The following TARDBP variants were observed in gnomAD, a reference collection of about 807,000 sequenced individuals.
The protein encoded by TARDBP is TAR DNA binding protein.
A neutral mutation model predicts 38.3 loss-of-function variants in TARDBP; 4 were observed. The ratio of observed to expected loss-of-function variants is 0.10; its 90% CI spans 0.05 to 0.24. TARDBP has a LOEUF of 0.24. TARDBP is among the 10% of genes least tolerant of loss of function. The probability of loss-of-function intolerance (pLI) is 1.00; values close to 1 mark genes in which losing one functional copy is unlikely to be tolerated. For synonymous variants in TARDBP, 184 were observed against 183.8 expected, an observed-to-expected ratio of 1.00 and a Z score of -0.01; for missense variants, 202 against 521.9, an observed-to-expected ratio of 0.39 and a Z score of 5.97.
At chr1:11,016,386 T>C in intron 2 of TARDBP, 1 of 186,116 alleles carries the variant, frequency 5.4e-6, no homozygotes, top group South Asian at 1.0e-4. Context: ...CAAGTCGTCC[T>C]TCCTCCTCAG....
chr1:11,021,686 C>T (rs1022001679), intron 5 of TARDBP, among the ~76,000 whole-genome samples: 1 of 152,192 alleles, frequency 6.6e-6, no homozygotes, highest in African/African-American at 2.4e-5. Context: ...AACTCCTGGG[C>T]TCAGCCTCCA....
At chr1:11,029,976 T>C (rs1643814644), downstream of TARDBP, 1 of 481,474 alleles carries the variant, frequency 2.1e-6, no homozygotes, top group Non-Finnish European at 3.7e-6. Context: ...GAGAATCAAA[T>C]GACTGATGCA....
intron 3 of TARDBP, among the ~76,000 whole-genome samples, chr1:11,017,273 G>A (rs1643544850): frequency 6.8e-6 from 1 of 148,008 alleles, no homozygotes; most frequent in African/African-American, 2.5e-5. Context: ...GCACGATCTT[G>A]GCTCACTGCA....
At chr1:11,028,697 G>GTTTTTTTT (rs1208974169), downstream of TARDBP, among the ~76,000 whole-genome samples, 29 of 36,156 alleles carry the variant, frequency 8.0e-4, 2 homozygotes, top group African/African-American at 3.5e-3. Context: ...ATCTTTCTGG[G>GTTTTTTTT]TTTTTTTTCT....
chr1:11,026,936 T>C (rs138588078), downstream of TARDBP: 184 of 1,514,412 alleles, frequency 1.2e-4, no homozygotes, highest in African/African-American at 2.2e-3. Flanking sequence ...TAATAACTTT[T>C]GTGTAGACTC....
chr1:11,012,767 G>T (rs1426556739), intron 1 of TARDBP, 24 bp downstream of exon 1: 1 of 152,328 alleles, frequency 6.6e-6, no homozygotes, highest in Non-Finnish European at 1.5e-5. Flanking sequence ...CCTTCTCACT[G>T]AGGACGCCGT....
intron 5 of TARDBP, among the ~76,000 whole-genome samples, chr1:11,021,710 C>T (rs1643642494): frequency 6.6e-6 from 1 of 152,234 alleles, no homozygotes; most frequent in Non-Finnish European, 1.5e-5. Context: ...GGAGGATCCT[C>T]CAGCTTCAGC....
In TARDBP at chr1:11,013,931, G is replaced by A. The variant is rs1356327142; in HGVS notation, c.204G>A (p.Trp68Ter). The A allele has an allele frequency of 6.2e-7, 1 of 1,614,180 alleles. No homozygotes were observed. The highest frequency in any genetic ancestry group is 8.5e-7 in the Non-Finnish European group (1 of 1,180,024). ...EGILHAPDAG[W>*]GNLVYVVNYP... Reference sequence around the variant, plus strand: ...TTCTGCATGCCCCAGATGCTGGCTGGGGAAATCTGGTGTATGTTGTCAACT... The same window carrying A: ...TTCTGCATGCCCCAGATGCTGGCTGAGGAAATCTGGTGTATGTTGTCAACT... The change falls in exon 2 of 6, where the codon TGG becomes TGA. Residue 68 changes from tryptophan (W) to a stop codon, truncating the protein, a stop_gained. Coordinates refer to ENST00000240185, the MANE Select transcript of TARDBP (RefSeq NM_007375.4). LOFTEE classifies it high-confidence loss of function.
intron 5 of TARDBP, among the ~76,000 whole-genome samples, chr1:11,021,291 A>G (rs1445853103): frequency 1.3e-5 from 2 of 152,030 alleles, no homozygotes; most frequent in African/African-American, 4.8e-5. Flanking sequence ...GGTGCCTGCC[A>G]CCACGCCTGG....
At position 11,022,381 on chromosome 1, in the gene TARDBP, T is replaced by C. The variant is rs755921841; in HGVS notation, c.972T>C (p.Ala324=). 6.2e-7 allele frequency: 1 copy of C among 1,613,980 alleles called. No homozygotes were observed. The highest frequency in any genetic ancestry group is 1.1e-5 in the South Asian group (1 of 91,080). Residue 324 remains alanine, a synonymous_variant, in exon 6 of 6, where the codon GCT becomes GCC. Coordinates refer to ENST00000240185, the MANE Select transcript of TARDBP (RefSeq NM_007375.4). The surrounding 1 kb of genome is among the most constrained non-coding windows in gnomAD (Gnocchi z 4.5). ...GAFSINPAMM[A]AAQAALQSSW... is the part of the protein sequence containing the mutation. ...TCAGCATTAATCCAGCCATGATGGC[T>C]GCCGCCCAGGCAGCACTACAGAGCA...
chr1:11,016,718 C>A, intron 2 of TARDBP, 126 bp from the exon 3 acceptor site: 1 of 1,001,154 alleles, frequency 1.0e-6, no homozygotes. Context: ...CACTTCTTGC[C>A]AAGTTTTCAG....
In TARDBP at chr1:11,013,409, C is replaced by A. The variant is rs1055855424; in HGVS notation, c.-12-307C>A. Among the ~76,000 whole-genome samples, 3 of 151,050 alleles carry A rather than the reference C, an allele frequency of 2.0e-5. No individual in the cohort carries two copies. The East Asian group carries it at 5.9e-4, about 30-fold the overall frequency. On this transcript the variant is annotated intron_variant, in intron 1 of 5. Coordinates refer to ENST00000240185, the MANE Select transcript of TARDBP (RefSeq NM_007375.4). ...ATAAAATAGCTACTGTTTATTGTTCCCTTGCATACCCTAGCTTGTAACCAG... is the reference window on the plus strand; with the variant it reads ...ATAAAATAGCTACTGTTTATTGTTCACTTGCATACCCTAGCTTGTAACCAG...
At position 11,012,672 on chromosome 1, in the gene TARDBP, G is replaced by C. The variant is rs1643429397; in HGVS notation, c.-84G>C. On this transcript the variant is annotated 5_prime_UTR_variant, in exon 1 of 6. Transcript: ENST00000240185. ...TAGCGCCATTTTGTGGGAGCGAAGC[G>C]GTGGCTGGGCTGCGCTTGGGTCCGT... is the stretch of plus-strand genomic sequence containing the variant. 1 of 152,332 alleles carries C rather than the reference G, an allele frequency of 6.6e-6. No homozygotes were observed. Among genetic ancestry groups the C allele is most frequent in the South Asian group, 2.1e-4 (1 of 4,826 alleles). The allele number at this position is 152,332 out of a possible 1,614,324, so 9.4% of individuals were successfully genotyped here.
At chr1:11,019,825 C>T (rs189384316) in intron 4 of TARDBP, among the ~76,000 whole-genome samples, 2,513 of 151,400 alleles carry the variant, frequency 0.017, 27 homozygotes, top group Non-Finnish European at 0.026. Flanking sequence ...CTCGGGCTCC[C>T]AAAGTGCTGG....
chr1:11,026,677 GGTTTAT>G, downstream of TARDBP: 1 of 394,534 alleles, frequency 2.5e-6, no homozygotes, highest in Non-Finnish European at 4.5e-6. Flanking sequence ...TCACTCTCGT[GGTTTAT>G]GTCCCCTTGA....
At chr1:11,018,129 G>A (rs1206285900) in intron 3 of TARDBP, among the ~76,000 whole-genome samples, 2 of 152,080 alleles carry the variant, frequency 1.3e-5, no homozygotes, top group African/African-American at 4.8e-5. Context: ...TGATCTGCCC[G>A]CCTCCGCCTC....
In TARDBP at chr1:11,023,286, A is replaced by C. The variant is rs1038914818; in HGVS notation, c.*632A>C. On this transcript the variant is annotated 3_prime_UTR_variant, in exon 6 of 6. Coordinates refer to ENST00000240185, the MANE Select transcript of TARDBP (RefSeq NM_007375.4). ...AGGAATACTGTCTACATGCTTTCTC[A>C]TTCAAGAATTCGTCATCACGCATCA... The C allele has an allele frequency of 3.2e-6, 5 of 1,545,162 alleles. No individual in the cohort carries two copies. The highest frequency in any genetic ancestry group is 1.4e-5 in the African/African-American group (1 of 72,958).
chr1:11,022,971 A>G lies in TARDBP; in HGVS notation c.*317A>G. On this transcript the variant is annotated 3_prime_UTR_variant, in exon 6 of 6. Coordinates refer to ENST00000240185, the MANE Select transcript of TARDBP (RefSeq NM_007375.4). This position sits in a 1 kb window ranked among gnomAD's most constrained non-coding sequence, Gnocchi z 4.5. ...GTAATATTTTATCCCTGGACTTGTC[A>G]AGTGAATTCTTTGCATGTTCAAAAC... 1 of 1,389,394 alleles carries G rather than the reference A, an allele frequency of 7.2e-7. No individual in the cohort carries two copies. 86.1% of individuals were successfully genotyped at this position (1,389,394 alleles called of 1,614,324 possible).
Position 11,017,596 on chromosome 1 carries a change from AT to A in TARDBP, c.402+591del, listed in dbSNP as rs1643553919. On this transcript the variant is annotated intron_variant, in intron 3 of 5. Transcript: ENST00000240185. ...ATACATATATGTTGTACCCTATGTTATTGCCTTTGATATTGTAAAATCCTAC... is the reference window on the plus strand; with the variant it reads ...ATACATATATGTTGTACCCTATGTTATGCCTTTGATATTGTAAAATCCTAC... Among the ~76,000 whole-genome samples, 3 of 152,122 alleles carry A rather than the reference AT, an allele frequency of 2.0e-5. No individual in the cohort carries two copies. In the South Asian group the frequency reaches 6.2e-4, roughly 32 times the overall value.
Sources: gnomAD v4.1 joint callset for allele counts (sites outside exome capture counted in the v4.1 genomes callset) on GRCh38, gnomAD v4.1.1 for gene constraint, Gnocchi (gnomAD v3.1) non-coding constraint, MANE v1.5 for transcripts, NCBI Gene and HGNC (gene_info 2026-07-23, HGNC 2026-07-21) for gene names.